The following KCNJ6 variants were observed in gnomAD, a reference collection of about 807,000 sequenced individuals.
KCNJ6 encodes the protein G protein-activated inward rectifier potassium channel 2.
KCNJ6 carries 9 observed loss-of-function variants against 34.2 expected under a neutral mutation model. The observed-to-expected ratio is 0.26, with a 90% CI of 0.16 to 0.46. The LOEUF (loss-of-function observed/expected upper bound fraction) is 0.46. KCNJ6 is among the 20% of genes least tolerant of loss of function. The pLI, the probability that KCNJ6 is intolerant of heterozygous loss-of-function variation, is 1.00. For synonymous variants in KCNJ6, 196 were observed against 207.1 expected, an observed-to-expected ratio of 0.95 and a Z score of 0.46; for missense variants, 236 against 531.3, an observed-to-expected ratio of 0.44 and a Z score of 5.46.
intron 3 of KCNJ6, among the ~76,000 whole-genome samples, chr21:37,667,617 G>A (rs1480190660): frequency 1.3e-5 from 1 of 79,512 alleles, no homozygotes; most frequent in Non-Finnish European, 3.4e-5. Flanking sequence ...GGGGTCTGGG[G>A]TAGCAGGCAC....
intron 2 of KCNJ6, among the ~76,000 whole-genome samples, chr21:37,740,253 T>C (rs858020): frequency 0.94 from 142,281 of 152,170 alleles, 66,747 homozygotes; most frequent in East Asian, 1. Context: ...AAGTGGGGAT[T>C]GGACACGCCT....
Position 37,621,355 on chromosome 21 carries a change from A to G in KCNJ6, c.*3804T>C, listed in dbSNP as rs1333733283. On this transcript the variant is annotated 3_prime_UTR_variant, in exon 4 of 4. Coordinates refer to ENST00000609713, the MANE Select transcript of KCNJ6 (RefSeq NM_002240.5). ...CAGGTAGTTTTCTAATAGCATTCTT[A>G]TGCCCCCTTTCTCTGTCCACCAGTT... 1 of 152,202 alleles carries G rather than the reference A, an allele frequency of 6.6e-6. No homozygotes were observed. The highest frequency in any genetic ancestry group is 1.5e-5 in the Non-Finnish European group (1 of 68,032). 9.4% of individuals were successfully genotyped at this position (152,202 alleles called of 1,614,324 possible).
At chr21:37,914,757 T>C (rs1209671929) in intron 1 of KCNJ6, among the ~76,000 whole-genome samples, 1 of 152,198 alleles carries the variant, frequency 6.6e-6, no homozygotes, top group Non-Finnish European at 1.5e-5. Flanking sequence ...TTTCTTTTTT[T>C]CAGCAAAAGA....
intron 2 of KCNJ6, among the ~76,000 whole-genome samples, chr21:37,778,555 TTA>T (rs1186764929): frequency 6.6e-6 from 1 of 152,214 alleles, no homozygotes; most frequent in African/African-American, 2.4e-5. Context: ...TCATGAGTTC[TTA>T]CTTTTGAATT....
At chr21:37,737,842 CTA>C (rs751615689) in intron 2 of KCNJ6, among the ~76,000 whole-genome samples, 18 of 152,178 alleles carry the variant, frequency 1.2e-4, no homozygotes, top group Non-Finnish European at 2.4e-4. Context: ...CATTCTGGTT[CTA>C]TGTTTGTAGA....
chr21:37,835,327 C>T (rs1177439233), intron 2 of KCNJ6, among the ~76,000 whole-genome samples: 1 of 152,186 alleles, frequency 6.6e-6, no homozygotes, highest in Non-Finnish European at 1.5e-5. Flanking sequence ...GAGAAGACAT[C>T]AGGGCCAAGT....
chr21:37,856,306 C>G (rs760808535), intron 1 of KCNJ6, among the ~76,000 whole-genome samples: 1 of 152,204 alleles, frequency 6.6e-6, no homozygotes, highest in African/African-American at 2.4e-5. Context: ...AAGGCAGCAA[C>G]CAGCTTAAAC....
intron 1 of KCNJ6, among the ~76,000 whole-genome samples, chr21:37,884,075 A>G (rs1157224661): frequency 6.6e-6 from 1 of 152,198 alleles, no homozygotes; most frequent in Non-Finnish European, 1.5e-5. Context: ...TCTGTTTAAA[A>G]AGTCTAAAGC....
At chr21:37,739,215 C>A (rs991553912) in intron 2 of KCNJ6, among the ~76,000 whole-genome samples, 4 of 152,120 alleles carry the variant, frequency 2.6e-5, no homozygotes, top group Admixed American at 6.5e-5. Context: ...TAAAATATAT[C>A]ATTATTTTAA....
rs929785967 is a variant in KCNJ6, at chr21:37,619,475, G to A, written c.*5684C>T. 2.0e-5 allele frequency: 3 copies of A among 152,184 alleles called. No individual in the cohort carries two copies. Among genetic ancestry groups the A allele is most frequent in the Non-Finnish European group, 4.4e-5 (3 of 68,024 alleles). The allele number at this position is 152,184 out of a possible 1,614,324, so 9.4% of individuals were successfully genotyped here. A position where few individuals can be genotyped will look rare whatever the true frequency, so the allele number is the denominator to read the frequency against. On this transcript the variant is annotated 3_prime_UTR_variant, in exon 4 of 4. Coordinates refer to ENST00000609713, the MANE Select transcript of KCNJ6 (RefSeq NM_002240.5). Reference sequence around the variant, plus strand: ...CAAAGGACCTTTTGGTTTTCCATAAGAAGCATTTAGTTCTTTAATTACACA... The same window carrying A: ...CAAAGGACCTTTTGGTTTTCCATAAAAAGCATTTAGTTCTTTAATTACACA...
chr21:37,843,574 C>A (rs1191036269), intron 1 of KCNJ6, among the ~76,000 whole-genome samples: 1 of 152,188 alleles, frequency 6.6e-6, no homozygotes, highest in African/African-American at 2.4e-5. Flanking sequence ...CAAGCAAATT[C>A]TCCTTATTTT....
chr21:37,666,732 A>C (rs2054515304), intron 3 of KCNJ6, among the ~76,000 whole-genome samples: 1 of 152,002 alleles, frequency 6.6e-6, no homozygotes, highest in South Asian at 2.1e-4. Context: ...TGGGGAAAAG[A>C]AAGAGAGATC....
intron 1 of KCNJ6, among the ~76,000 whole-genome samples, chr21:37,895,805 T>C (rs1465196898): frequency 6.6e-6 from 1 of 152,180 alleles, no homozygotes; most frequent in African/African-American, 2.4e-5. Flanking sequence ...TTTTTAAAAG[T>C]TGGAAATCTG....
At chr21:37,778,224 C>T (rs1234535234) in intron 2 of KCNJ6, among the ~76,000 whole-genome samples, 1 of 152,164 alleles carries the variant, frequency 6.6e-6, no homozygotes, top group Non-Finnish European at 1.5e-5. Context: ...TCAGTCAGTT[C>T]TTACCATGTA....
At chr21:37,659,706 A>G (rs750315993) in intron 3 of KCNJ6, among the ~76,000 whole-genome samples, 2 of 152,202 alleles carry the variant, frequency 1.3e-5, no homozygotes, top group Non-Finnish European at 2.9e-5. Flanking sequence ...CCTTGACCCA[A>G]TGCCTGGACC....
intron 3 of KCNJ6, among the ~76,000 whole-genome samples, chr21:37,653,985 G>A (rs2054445645): frequency 6.6e-6 from 1 of 152,082 alleles, no homozygotes; most frequent in African/African-American, 2.4e-5. Flanking sequence ...AAGGAGTGTG[G>A]GGACCCTAGA....
intron 2 of KCNJ6, among the ~76,000 whole-genome samples, chr21:37,763,049 G>T (rs568641262): frequency 6.6e-6 from 1 of 152,158 alleles, no homozygotes; most frequent in Admixed American, 6.5e-5. Flanking sequence ...GTGACTGCCC[G>T]GGCTCCCGAG....
intron 1 of KCNJ6, among the ~76,000 whole-genome samples, chr21:37,843,019 C>T (rs192577476): frequency 1.5e-3 from 224 of 152,254 alleles, no homozygotes; most frequent in Admixed American, 4.1e-3. Flanking sequence ...CTCTGGATCA[C>T]AGACCTCTTC....
At chr21:37,655,284 AGT>A (rs60039121) in intron 3 of KCNJ6, among the ~76,000 whole-genome samples, 9 of 107,796 alleles carry the variant, frequency 8.3e-5, no homozygotes, top group African/African-American at 3.2e-4. Context: ...AGAGAGAGAG[AGT>A]GTAACCATGA....
Sources: gnomAD v4.1 joint callset for allele counts (sites outside exome capture counted in the v4.1 genomes callset) on GRCh38, gnomAD v4.1.1 for gene constraint, MANE v1.5 for transcripts, NCBI Gene and HGNC (gene_info 2026-07-23, HGNC 2026-07-21) for gene names.